SPATA13: variants seen among roughly 807,000 people sequenced by gnomAD.
SPATA13 encodes spermatogenesis associated 13, also known as spermatogenesis-associated protein 13.
A neutral mutation model predicts 104.0 loss-of-function variants in SPATA13; 50 were observed. The observed-to-expected ratio is 0.48, with a 90% confidence interval of 0.38 to 0.61. The LOEUF is 0.61. SPATA13 is among the 20% of genes least tolerant of loss of function. The pLI is 0.00. For synonymous variants in SPATA13, 606 were observed against 667.5 expected (o/e 0.91, Z 1.42); for missense variants, 1,524 against 1,690.6 (o/e 0.90, Z 1.73).
intron 2 of SPATA13, among the ~76,000 whole-genome samples, chr13:24,248,095 G>T (rs1328936125): frequency 1.3e-5 from 2 of 152,190 alleles, no homozygotes; most frequent in African/African-American, 4.8e-5. Flanking sequence ...AAGACGGAGG[G>T]CATGCAGGCA....
intron 3 of SPATA13, among the ~76,000 whole-genome samples, chr13:24,138,317 A>AC (rs202193249): frequency 0.46 from 69,347 of 149,564 alleles, 17,105 homozygotes; most frequent in Admixed American, 0.58. Flanking sequence ...AAAAAAAAAA[A>AC]AAAACAGTTT....
At chr13:24,095,811 T>G (rs1402763172) in intron 3 of SPATA13, among the ~76,000 whole-genome samples, 4 of 152,312 alleles carry the variant, frequency 2.6e-5, no homozygotes, top group African/African-American at 7.2e-5. Flanking sequence ...TGCTTTGGAT[T>G]GGTTCAGCTG....
chr13:24,285,805 C>T (rs1047597458), intron 5 of SPATA13, among the ~76,000 whole-genome samples: 2 of 151,968 alleles, frequency 1.3e-5, no homozygotes, highest in Non-Finnish European at 2.9e-5. Flanking sequence ...CTCAGCCTCC[C>T]GAGTAGCTGG....
intron 1 of SPATA13, among the ~76,000 whole-genome samples, chr13:24,177,105 G>T (rs1445887314): frequency 6.6e-6 from 1 of 152,032 alleles, no homozygotes; most frequent in Non-Finnish European, 1.5e-5. Flanking sequence ...TTTCTCTCTA[G>T]TACAAAAAGG....
intron 3 of SPATA13, among the ~76,000 whole-genome samples, chr13:24,096,220 TA>T (rs1880078163): frequency 6.6e-6 from 1 of 152,194 alleles, no homozygotes; most frequent in South Asian, 2.1e-4. Context: ...GTGGAGCTTA[TA>T]GTCTCGGGAG....
chr13:24,213,116 T>TGGTC (rs1194374522), intron 1 of SPATA13, among the ~76,000 whole-genome samples: 1 of 152,182 alleles, frequency 6.6e-6, no homozygotes, highest in Non-Finnish European at 1.5e-5. Context: ...AGGAGGAAGA[T>TGGTC]GGTCAGGAGG....
chr13:24,198,526 C>T (rs950794172), intron 1 of SPATA13, among the ~76,000 whole-genome samples: 22 of 152,190 alleles, frequency 1.4e-4, no homozygotes, highest in Non-Finnish European at 3.2e-4. Flanking sequence ...TAGGAATCTC[C>T]CACAGAGGCG....
At chr13:24,297,030 T>C (rs1876834686) in intron 10 of SPATA13, among the ~76,000 whole-genome samples, 1 of 151,884 alleles carries the variant, frequency 6.6e-6, no homozygotes, top group Admixed American at 6.6e-5. Flanking sequence ...TGTTGTTGTT[T>C]GTTTGTTTGT....
At chr13:24,238,914 G>A (rs928568454) in intron 2 of SPATA13, among the ~76,000 whole-genome samples, 8 of 152,104 alleles carry the variant, frequency 5.3e-5, no homozygotes, top group African/African-American at 1.7e-4. Context: ...AGCACTACGG[G>A]TGCTCCTTGC....
At chr13:24,057,059 T>C (rs9551045) in intron 3 of SPATA13, among the ~76,000 whole-genome samples, 16,375 of 107,412 alleles carry the variant, frequency 0.15, 1,061 homozygotes, top group South Asian at 0.29. Flanking sequence ...GGCTCTTTCT[T>C]TTTTTTTTTT....
At chr13:24,117,041 C>CT (rs1880870069) in intron 3 of SPATA13, among the ~76,000 whole-genome samples, 1 of 152,164 alleles carries the variant, frequency 6.6e-6, no homozygotes, top group South Asian at 2.1e-4. Flanking sequence ...AAGTTAATGT[C>CT]TATTATTTAA....
At chr13:24,022,043 T>C (rs2137701531) in intron 3 of SPATA13, among the ~76,000 whole-genome samples, 1 of 149,600 alleles carries the variant, frequency 6.7e-6, no homozygotes, top group African/African-American at 2.5e-5. Flanking sequence ...TTCTTTTCTC[T>C]TTTCTTTCTT....
intron 3 of SPATA13, among the ~76,000 whole-genome samples, chr13:24,025,627 T>C (rs1877175095): frequency 6.6e-6 from 1 of 152,330 alleles, no homozygotes; most frequent in Admixed American, 6.5e-5. Context: ...TACTAAAATC[T>C]GGTATTCCTG....
chr13:24,243,264 C>G (rs2138648132), intron 2 of SPATA13, among the ~76,000 whole-genome samples: 1 of 152,282 alleles, frequency 6.6e-6, no homozygotes, highest in Non-Finnish European at 1.5e-5. Flanking sequence ...TTTAAATCAT[C>G]TTACTTTACA....
intron 1 of SPATA13, among the ~76,000 whole-genome samples, chr13:24,182,815 T>G (rs902767410): frequency 1.3e-5 from 2 of 152,200 alleles, no homozygotes; most frequent in African/African-American, 2.4e-5. Flanking sequence ...TGTGCAGATT[T>G]TATCAGTGTT....
chr13:24,187,331 T>C (rs1869212776), intron 1 of SPATA13, among the ~76,000 whole-genome samples: 2 of 152,170 alleles, frequency 1.3e-5, no homozygotes, highest in East Asian at 1.9e-4. Flanking sequence ...TGGCCTCTTT[T>C]CTGAGTAGTC....
At chr13:24,190,232 T>C (rs113931192) in intron 1 of SPATA13, among the ~76,000 whole-genome samples, 2 of 89,390 alleles carry the variant, frequency 2.2e-5, no homozygotes, top group African/African-American at 8.8e-5. Flanking sequence ...TAATATATAT[T>C]ATTATATAAC....
intron 2 of SPATA13, among the ~76,000 whole-genome samples, chr13:23,985,870 C>A (rs1000657888): frequency 6.6e-6 from 1 of 152,156 alleles, no homozygotes; most frequent in South Asian, 2.1e-4. Context: ...CAACAGCCAG[C>A]GGTCCATACG....
chr13:24,265,653 G>T (rs1874265751), intron 4 of SPATA13, among the ~76,000 whole-genome samples: 1 of 152,098 alleles, frequency 6.6e-6, no homozygotes, highest in Non-Finnish European at 1.5e-5. Context: ...TGGCAGCCTT[G>T]GTTCTTGGCT....
Sources: allele counts gnomAD v4.1 joint callset (sites outside exome capture counted in the v4.1 genomes callset), GRCh38; gene constraint gnomAD v4.1.1; transcripts MANE v1.5; gene names NCBI Gene and HGNC (gene_info 2026-07-23, HGNC 2026-07-21).